HACL1: variants seen among roughly 807,000 people sequenced by gnomAD.
The protein encoded by HACL1 is 2-hydroxyacyl-CoA lyase 1.
A neutral mutation model predicts 74.2 loss-of-function variants in HACL1; 64 were observed. The observed-to-expected ratio is 0.86, with a 90% CI of 0.70 to 1.06. HACL1 has a LOEUF of 1.06. Among genes scored for constraint, HACL1 ranks in the 50% least tolerant of loss-of-function variants. HACL1 has a pLI of 0.00. For missense variants in HACL1, 728 were observed against 719.7 expected (o/e 1.01, Z -0.13); for synonymous variants, 230 against 238.8 (o/e 0.96, Z 0.34).
At chr3:15,591,535 C>T in intron 4 of HACL1, 65 bp downstream of exon 4, 1 of 912,074 alleles carries the variant, frequency 1.1e-6, no homozygotes, top group South Asian at 1.4e-5. Context: ...AGCATTAGCT[C>T]TACTCAGTAA....
At chr3:15,593,970 G>T (rs1003480681) in intron 3 of HACL1, among the ~76,000 whole-genome samples, 9 of 151,754 alleles carry the variant, frequency 5.9e-5, no homozygotes, top group African/African-American at 1.7e-4. Flanking sequence ...GCTAATTTTT[G>T]TATTTTTAGT....
rs1263134148 is a variant in HACL1 at position 15,601,126 on chromosome 3, T to C, written c.150A>G (p.Leu50=). The C allele has an allele frequency of 6.2e-7, 1 of 1,613,778 alleles. No homozygotes were observed. Among genetic ancestry groups the C allele is most frequent in the Admixed American group, 1.7e-5 (1 of 60,032 alleles). The part of the protein sequence containing the change: ...VTEIAIAAQQ[L]GIKYIGMRNE... ...TCCTCATCCCGATGTACTTGATGCCTAGCTGCTGGGCAGCAATGGCGATTT... is the reference window on the plus strand; with the variant it reads ...TCCTCATCCCGATGTACTTGATGCCCAGCTGCTGGGCAGCAATGGCGATTT... The change falls in exon 2 of 17, where the codon CTA becomes CTG. Residue 50 remains leucine, a synonymous_variant. Coordinates refer to ENST00000321169, the MANE Select transcript of HACL1 (RefSeq NM_012260.4).
At chr3:15,593,601 G>GATCTGGACTAC (rs1166997224) in intron 3 of HACL1, among the ~76,000 whole-genome samples, 1 of 152,040 alleles carries the variant, frequency 6.6e-6, no homozygotes, top group Non-Finnish European at 1.5e-5. Flanking sequence ...CACTTATTTT[G>GATCTGGACTAC]ATCTGGACTA....
chr3:15,589,363 G>A lies in HACL1; in HGVS notation c.381+177C>T, dbSNP rs558967506. 7.9e-5 allele frequency among the ~76,000 whole-genome samples: 12 copies of A among 152,172 alleles called. No individual in the cohort carries two copies. The East Asian group carries it at 2.1e-3, about 27-fold the overall frequency. On this transcript the variant is annotated intron_variant, in intron 5 of 16. Transcript: ENST00000321169. ...AACTCAAAAATTAGCCAGGCATGGT[G>A]GTGTGAACCTGTAGTCCCAGCTGCT... is the stretch of plus-strand genomic sequence containing the variant.
chr3:15,578,013 G>C (rs572274062), intron 9 of HACL1, among the ~76,000 whole-genome samples: 1 of 150,194 alleles, frequency 6.7e-6, no homozygotes, highest in East Asian at 2.0e-4. Context: ...CAGGAGAATG[G>C]TGTGAACCCA....
At chr3:15,576,422 G>C (rs1207787766) in intron 9 of HACL1, among the ~76,000 whole-genome samples, 1 of 151,980 alleles carries the variant, frequency 6.6e-6, no homozygotes, top group African/African-American at 2.4e-5. Context: ...ACACCAATTA[G>C]ATTTCTAAGT....
At chr3:15,571,228 G>A (rs2063523035) in intron 12 of HACL1, among the ~76,000 whole-genome samples, 1 of 151,816 alleles carries the variant, frequency 6.6e-6, no homozygotes, top group Admixed American at 6.6e-5. Flanking sequence ...TACTGCCTTG[G>A]CCTCCTAAAG....
At chr3:15,583,714 G>A (rs1289071851) in intron 7 of HACL1, among the ~76,000 whole-genome samples, 1 of 150,450 alleles carries the variant, frequency 6.6e-6, no homozygotes, top group Admixed American at 6.6e-5. Context: ...CTTAAGTGCA[G>A]CGGTGCGAAC....
intron 14 of HACL1, among the ~76,000 whole-genome samples, chr3:15,565,142 G>T (rs2063411297): frequency 6.6e-6 from 1 of 151,490 alleles, no homozygotes; most frequent in Non-Finnish European, 1.5e-5. Flanking sequence ...TCCAGCCTGG[G>T]TAACAGAGCA....
chr3:15,569,586 C>A (rs1043657797), intron 12 of HACL1, among the ~76,000 whole-genome samples: 4 of 152,054 alleles, frequency 2.6e-5, no homozygotes, highest in African/African-American at 9.7e-5. Flanking sequence ...CTTTGGGAGG[C>A]CGAGGTGGGC....
intron 2 of HACL1, among the ~76,000 whole-genome samples, chr3:15,599,314 T>TA (rs935616185): frequency 6.6e-6 from 1 of 152,304 alleles, no homozygotes; most frequent in Admixed American, 6.5e-5. Flanking sequence ...AAATAAAACT[T>TA]AGAGACAGAG....
intron 8 of HACL1, among the ~76,000 whole-genome samples, chr3:15,580,586 A>C (rs1377135232): frequency 6.6e-6 from 1 of 152,232 alleles, no homozygotes; most frequent in African/African-American, 2.4e-5. Flanking sequence ...CAAAAGTCAC[A>C]TCTCACAGCT....
chr3:15,594,753 T>C (rs190170613), intron 3 of HACL1, among the ~76,000 whole-genome samples: 40 of 152,348 alleles, frequency 2.6e-4, no homozygotes, highest in African/African-American at 7.7e-4. Context: ...TTAATTTAAA[T>C]GTAAACAAGT....
At chr3:15,601,297 C>G in intron 1 of HACL1, 86 bp downstream of exon 1, 1 of 1,584,230 alleles carries the variant, frequency 6.3e-7, no homozygotes, top group Non-Finnish European at 8.7e-7. Context: ...CGACCCCCAT[C>G]GCCCATTTCT....
chr3:15,596,243 G>T, intron 3 of HACL1, 141 bp downstream of exon 3: 1 of 620,096 alleles, frequency 1.6e-6, no homozygotes. Context: ...GGTCCTCAGA[G>T]AGTTTTAAAT....
At chr3:15,594,463 C>T (rs2064020470) in intron 3 of HACL1, among the ~76,000 whole-genome samples, 1 of 152,104 alleles carries the variant, frequency 6.6e-6, no homozygotes, top group African/African-American at 2.4e-5. Context: ...AAGCTTAAAC[C>T]ACTCGGGAAA....
intron 5 of HACL1, among the ~76,000 whole-genome samples, chr3:15,587,352 T>A (rs935971893): frequency 6.7e-6 from 1 of 149,774 alleles, no homozygotes; most frequent in Admixed American, 6.7e-5. Flanking sequence ...ATGCCTCAGA[T>A]CTATATATCT....
rs369844763 is a variant in HACL1 at position 15,571,648 on chromosome 3, G to T, written c.1095+20C>A. On this transcript the variant is annotated intron_variant, in intron 12 of 16. Coordinates refer to ENST00000321169, the MANE Select transcript of HACL1 (RefSeq NM_012260.4). ...TCATGAGCCTGACCTGTTATTGAGC[G>T]TCAGTAGGTCCGATTTTACCTTGGA... is the stretch of plus-strand genomic sequence containing the variant. The T allele has an allele frequency of 1.0e-6, 1 of 983,930 alleles. No individual in the cohort carries two copies. Among genetic ancestry groups the T allele is most frequent in the Non-Finnish European group, 1.6e-6 (1 of 606,342 alleles). The allele number at this position is 983,930 out of a possible 1,614,324, so 60.9% of individuals were successfully genotyped here.
chr3:15,591,454 G>T (rs1339482143), intron 4 of HACL1, 146 bp downstream of exon 4: 6 of 511,732 alleles, frequency 1.2e-5, no homozygotes, highest in African/African-American at 4.0e-5. Flanking sequence ...TCCCTCCCCG[G>T]TAACTAACTC....
Sources: allele counts gnomAD v4.1 joint callset (sites outside exome capture counted in the v4.1 genomes callset), GRCh38; gene constraint gnomAD v4.1.1; transcripts MANE v1.5; gene names NCBI Gene and HGNC (gene_info 2026-07-23, HGNC 2026-07-21).